The following IL1RAP variants were observed in gnomAD, a reference collection of about 807,000 sequenced individuals.
IL1RAP encodes the protein interleukin-1 receptor accessory protein.
Under a neutral mutation model 60.7 loss-of-function variants are expected in IL1RAP, and 35 were observed. That is an observed-to-expected ratio of 0.58 (90% confidence interval 0.44 to 0.76). The LOEUF (loss-of-function observed/expected upper bound fraction) is 0.76. Ranked by LOEUF, IL1RAP falls within the 30% of genes least tolerant of loss-of-function variation. The pLI, the probability that IL1RAP is intolerant of heterozygous loss-of-function variation, is 0.00. For synonymous variants in IL1RAP, 268 were observed against 250.9 expected (o/e 1.07, Z -0.64); for missense variants, 572 against 693.9 (o/e 0.82, Z 1.97).
At position 190,600,250 on chromosome 3, in the gene IL1RAP, C is replaced by A. The variant is rs571247274; in HGVS notation, c.65-3878C>A. Reference sequence around the variant, plus strand: ...TGTCATATATTTCTTCTTAAACTGGCCAGATTTTCCACGGAAGATTCTTTC... The same window carrying A: ...TGTCATATATTTCTTCTTAAACTGGACAGATTTTCCACGGAAGATTCTTTC... On this transcript the variant is annotated intron_variant, in intron 3 of 11. Transcript: ENST00000447382. Among the ~76,000 whole-genome samples the A allele has an allele frequency of 2.6e-5, 4 of 152,280 alleles. No individual in the cohort carries two copies. In the East Asian group the frequency reaches 7.7e-4, roughly 29 times the overall value.
Position 190,608,430 on chromosome 3 carries a change from A to C in IL1RAP, c.351-565A>C, listed in dbSNP as rs376195538. ...TAAAAACGGTACACCTATGTAGGGC[A>C]CTTATCATGGATAGAGCTTGTAGGA... On this transcript the variant is annotated intron_variant, in intron 4 of 11. Transcript: ENST00000447382. Among the ~76,000 whole-genome samples the C allele has an allele frequency of 4.6e-5, 7 of 152,300 alleles. No homozygotes were observed. In the East Asian group the frequency reaches 1.3e-3, roughly 29 times the overall value.
intron 9 of IL1RAP, among the ~76,000 whole-genome samples, chr3:190,632,485 C>G (rs1316077455): frequency 6.6e-6 from 1 of 152,148 alleles, no homozygotes; most frequent in African/African-American, 2.4e-5. Context: ...GATATAGACA[C>G]AGACGCATAT....
chr3:190,655,063 AAG>A (rs1213525093), downstream of IL1RAP, among the ~76,000 whole-genome samples: 12 of 152,134 alleles, frequency 7.9e-5, no homozygotes, highest in Admixed American at 7.9e-4. Flanking sequence ...ACACAGAAAA[AAG>A]AATTTAATTG....
intron 5 of IL1RAP, 67 bp downstream of exon 5, chr3:190,609,248 A>C: frequency 9.0e-7 from 1 of 1,107,134 alleles, no homozygotes; most frequent in Non-Finnish European, 1.3e-6. Flanking sequence ...TTATTTGCTG[A>C]GTTATATTTA....
At chr3:190,580,735 A>G (rs1727925188) in intron 3 of IL1RAP, among the ~76,000 whole-genome samples, 2 of 152,226 alleles carry the variant, frequency 1.3e-5, no homozygotes, top group South Asian at 4.1e-4. Flanking sequence ...CTTAGTGCCT[A>G]TGGTTAACAA....
At chr3:190,620,598 A>G (rs1011270624) in intron 6 of IL1RAP, among the ~76,000 whole-genome samples, 158 bp downstream of exon 6, 1 of 152,206 alleles carries the variant, frequency 6.6e-6, no homozygotes, top group Non-Finnish European at 1.5e-5. Context: ...AATTCCATGC[A>G]CATCGTAAGC....
At chr3:190,567,214 C>A (rs1001961749) in intron 3 of IL1RAP, among the ~76,000 whole-genome samples, 1 of 152,268 alleles carries the variant, frequency 6.6e-6, no homozygotes, top group African/African-American at 2.4e-5. Context: ...ATCCCCTTAT[C>A]CCCTCAGGAA....
chr3:190,563,330 A>G (rs568867143), intron 2 of IL1RAP: 5 of 152,188 alleles, frequency 3.3e-5, no homozygotes, highest in Non-Finnish European at 5.9e-5. Context: ...AGACCTCTGC[A>G]AGCATTCTTA....
In IL1RAP at chr3:190,535,569, C is replaced by G. The variant is rs576043854; in HGVS notation, c.-88-20561C>G. On this transcript the variant is annotated intron_variant, in intron 1 of 11. Transcript: ENST00000447382. ...CGACTTATAACTCACTCTCAGCTCC[C>G]CACCAGGGCCACTTACATTCACATT... Among the ~76,000 whole-genome samples the G allele has an allele frequency of 8.5e-5, 13 of 152,266 alleles. No individual in the cohort carries two copies. The South Asian group carries it at 2.7e-3, about 32-fold the overall frequency.
At position 190,627,400 on chromosome 3, in the gene IL1RAP, G is replaced by A; in HGVS notation, c.853G>A (p.Asp285Asn). 2 of 1,613,232 alleles carry A rather than the reference G, an allele frequency of 1.2e-6. No homozygotes were observed. The highest frequency in any genetic ancestry group is 1.7e-6 in the Non-Finnish European group (2 of 1,179,714). The change falls in exon 8 of 12, where the codon GAT (aspartate) becomes AAT (asparagine). Residue 285 changes from aspartate (D) to asparagine (N), a missense_variant. Coordinates refer to ENST00000447382, the MANE Select transcript of IL1RAP (RefSeq NM_002182.4). ...DSRNEVWWTI[D>N]GKKPDDITID... is the part of the protein sequence containing the mutation. ...TCGCAATGAGGTTTGGTGGACCATT[G>A]ATGGAAAAAAACCTGATGACATCAC...
intron 1 of IL1RAP, among the ~76,000 whole-genome samples, chr3:190,536,374 T>A (rs1723463694): frequency 6.6e-6 from 1 of 152,200 alleles, no homozygotes; most frequent in Non-Finnish European, 1.5e-5. Context: ...ACTTGATAAT[T>A]GACACTGTCT....
At chr3:190,634,716 T>TG (rs1378786162) in intron 9 of IL1RAP, among the ~76,000 whole-genome samples, 12 of 142,504 alleles carry the variant, frequency 8.4e-5, no homozygotes, top group Middle Eastern at 3.5e-3. Flanking sequence ...TGTTTTTTTT[T>TG]TTGTTGTTGT....
chr3:190,521,853 T>TA (rs61256705), intron 1 of IL1RAP, among the ~76,000 whole-genome samples: 53 of 151,312 alleles, frequency 3.5e-4, no homozygotes, highest in African/African-American at 1.2e-3. Flanking sequence ...GAGCCTTTCT[T>TA]AAAAAAAAAG....
In IL1RAP at chr3:190,593,666, C is replaced by T. The variant is rs145940090; in HGVS notation, c.65-10462C>T. On this transcript the variant is annotated intron_variant, in intron 3 of 11. Coordinates refer to ENST00000447382, the MANE Select transcript of IL1RAP (RefSeq NM_002182.4). ...TCTCCTTTATAAAACCGTCAGATCTCGTGAGACGTATTCATATTATGAGAA... is the reference window on the plus strand; with the variant it reads ...TCTCCTTTATAAAACCGTCAGATCTTGTGAGACGTATTCATATTATGAGAA... Among the ~76,000 whole-genome samples the T allele has an allele frequency of 5.7e-4, 86 of 152,062 alleles. 1 individual carries two copies. Among genetic ancestry groups the T allele is most frequent in the Admixed American group, 2.3e-3 (35 of 15,258 alleles).
At chr3:190,563,486 G>C (rs1187891048) in intron 2 of IL1RAP, 1 of 152,128 alleles carries the variant, frequency 6.6e-6, no homozygotes, top group African/African-American at 2.4e-5. Flanking sequence ...ACTTCACAGA[G>C]CTGTCAAATC....
chr3:190,575,629 G>A (rs1338111592), intron 3 of IL1RAP, among the ~76,000 whole-genome samples: 3 of 152,174 alleles, frequency 2.0e-5, no homozygotes, highest in African/African-American at 4.8e-5. Flanking sequence ...AGAAACATGC[G>A]ACGAAGAGGA....
chr3:190,643,283 C>T (rs1733788605), intron 9 of IL1RAP, among the ~76,000 whole-genome samples: 1 of 152,034 alleles, frequency 6.6e-6, no homozygotes, highest in Admixed American at 6.5e-5. Context: ...CGAGCATAGA[C>T]TTGGAAACTA....
chr3:190,655,761 ATT>A, downstream of IL1RAP: 3 of 676,010 alleles, frequency 4.4e-6, no homozygotes, highest in Non-Finnish European at 2.4e-6. Context: ...TGGGTAAATT[ATT>A]CAGCACTGAG....
At chr3:190,520,651 A>T (rs985115562) in intron 1 of IL1RAP, 2 of 152,188 alleles carry the variant, frequency 1.3e-5, no homozygotes, top group Non-Finnish European at 2.9e-5. Flanking sequence ...CAAGATTTCT[A>T]AAAGCATTGA....
Sources: allele counts gnomAD v4.1 joint callset (sites outside exome capture counted in the v4.1 genomes callset), GRCh38; gene constraint gnomAD v4.1.1; transcripts MANE v1.5; gene names NCBI Gene and HGNC (gene_info 2026-07-23, HGNC 2026-07-21).